MEGF9: variants seen among roughly 807,000 people sequenced by gnomAD.
The protein encoded by MEGF9 is multiple EGF like domains 9, also known as multiple epidermal growth factor-like domains protein 9.
A neutral mutation model predicts 46.8 loss-of-function variants in MEGF9; 6 were observed. That is an observed-to-expected ratio of 0.13 (90% confidence interval 0.07 to 0.25). The LOEUF (loss-of-function observed/expected upper bound fraction) is 0.25. MEGF9 is among the 10% of genes least tolerant of loss of function. The pLI, the probability that MEGF9 is intolerant of heterozygous loss-of-function variation, is 1.00. For missense variants in MEGF9, 683 were observed against 792.4 expected (o/e 0.86, Z 1.66); for synonymous variants, 302 against 330.7 (o/e 0.91, Z 0.94).
At chr9:120,644,163 G>A (rs918253304) in intron 2 of MEGF9, among the ~76,000 whole-genome samples, 3 of 152,002 alleles carry the variant, frequency 2.0e-5, no homozygotes, top group African/African-American at 7.3e-5. Context: ...ATATTGTCTC[G>A]CATTTACTCG....
chr9:120,709,894 C>T (rs1019108168), intron 1 of MEGF9, among the ~76,000 whole-genome samples: 10 of 151,622 alleles, frequency 6.6e-5, no homozygotes, highest in African/African-American at 2.4e-4. Flanking sequence ...ACTAAAAATA[C>T]AAAAATTAGC....
chr9:120,711,013 G>GT (rs2043950562), intron 1 of MEGF9, among the ~76,000 whole-genome samples: 2 of 152,134 alleles, frequency 1.3e-5, no homozygotes, highest in Admixed American at 1.3e-4. Context: ...CATCACAGAC[G>GT]TAAGTATAAT....
chr9:120,687,533 A>C (rs1289258310), intron 1 of MEGF9, among the ~76,000 whole-genome samples: 1 of 152,230 alleles, frequency 6.6e-6, no homozygotes, highest in Non-Finnish European at 1.5e-5. Flanking sequence ...TGGACTATTC[A>C]TACAGTAGGA....
chr9:120,617,557 T>C (rs1218297526), intron 3 of MEGF9, among the ~76,000 whole-genome samples: 3 of 152,130 alleles, frequency 2.0e-5, no homozygotes, highest in South Asian at 2.1e-4. Flanking sequence ...AGATAGGCCA[T>C]AGAGAGATGT....
chr9:120,605,639 C>T lies in MEGF9; in HGVS notation c.1360G>A (p.Val454Ile). 6.5e-7 allele frequency: 1 copy of T among 1,536,068 alleles called. No homozygotes were observed. The highest frequency in any genetic ancestry group is 8.8e-7 in the Non-Finnish European group (1 of 1,140,678). Residue 454 changes from valine to isoleucine, a missense_variant and splice_region_variant, in exon 6 of 6, where the codon GTT becomes ATT. Around this residue, in one of 2 missense-constraint regions of MEGF9, gnomAD observed 313 missense variants for 421.1 expected, o/e 0.74. Coordinates refer to ENST00000373930, the MANE Select transcript of MEGF9 (RefSeq NM_001080497.3). The surrounding 1 kb of genome is among the most constrained non-coding windows in gnomAD (Gnocchi z 4.0). ...DLEGNCIKKE[V>I]ILPTPEGSTI... ...GAACCTTCAGGTGTTGGAAGAATAACTTCTGAAAATAAAAACAGAGAATGA... is the reference window on the plus strand; with the variant it reads ...GAACCTTCAGGTGTTGGAAGAATAATTTCTGAAAATAAAAACAGAGAATGA...
intron 2 of MEGF9, among the ~76,000 whole-genome samples, chr9:120,640,123 A>G (rs977995740): frequency 6.6e-6 from 1 of 152,244 alleles, no homozygotes; most frequent in African/African-American, 2.4e-5. Context: ...AGATAAATCA[A>G]AAGAATGGTA....
At chr9:120,672,277 T>C (rs976832769) in intron 1 of MEGF9, among the ~76,000 whole-genome samples, 1 of 151,910 alleles carries the variant, frequency 6.6e-6, no homozygotes, top group African/African-American at 2.4e-5. Flanking sequence ...AAGAAAGAAA[T>C]GGTCTTCAGA....
chr9:120,695,068 C>G (rs949880849), intron 1 of MEGF9, among the ~76,000 whole-genome samples: 12 of 149,804 alleles, frequency 8.0e-5, no homozygotes, highest in Non-Finnish European at 1.3e-4. Context: ...GAGAGAGAGA[C>G]AAAGACAAAA....
intron 3 of MEGF9, among the ~76,000 whole-genome samples, chr9:120,618,814 C>T (rs372374478): frequency 6.6e-6 from 1 of 151,196 alleles, no homozygotes; most frequent in East Asian, 2.0e-4. Context: ...GCAGAAGAAT[C>T]GCTTGAACCC....
At chr9:120,679,427 G>A (rs1247666063) in intron 1 of MEGF9, among the ~76,000 whole-genome samples, 1 of 147,042 alleles carries the variant, frequency 6.8e-6, no homozygotes, top group African/African-American at 2.6e-5. Context: ...TGAACAATGA[G>A]AACACTTGGA....
intron 1 of MEGF9, among the ~76,000 whole-genome samples, chr9:120,712,028 A>G (rs1397169868): frequency 6.6e-6 from 1 of 152,200 alleles, no homozygotes; most frequent in African/African-American, 2.4e-5. Context: ...AGGCCGAGGC[A>G]GGAGGACTGC....
At chr9:120,638,774 C>T (rs1435640344) in intron 2 of MEGF9, among the ~76,000 whole-genome samples, 1 of 152,226 alleles carries the variant, frequency 6.6e-6, no homozygotes, top group Non-Finnish European at 1.5e-5. Flanking sequence ...TTCACCCTTA[C>T]TGGCCATTTG....
At chr9:120,616,756 A>G (rs892029087) in intron 3 of MEGF9, among the ~76,000 whole-genome samples, 1 of 152,022 alleles carries the variant, frequency 6.6e-6, no homozygotes, top group Admixed American at 6.5e-5. Context: ...AATTCTCACA[A>G]ACTAAGTTAC....
intron 2 of MEGF9, among the ~76,000 whole-genome samples, chr9:120,627,041 A>G (rs998144076): frequency 2.6e-5 from 4 of 152,242 alleles, no homozygotes; most frequent in African/African-American, 9.6e-5. Context: ...TTTAAAATTT[A>G]AAATTTGTAA....
intron 1 of MEGF9, among the ~76,000 whole-genome samples, chr9:120,683,106 C>G (rs1174353821): frequency 6.6e-6 from 1 of 152,080 alleles, no homozygotes; most frequent in Non-Finnish European, 1.5e-5. Flanking sequence ...TCTAAAGAGT[C>G]TGCATTTCAT....
At chr9:120,630,559 AT>A (rs2043546108) in intron 2 of MEGF9, among the ~76,000 whole-genome samples, 1 of 152,172 alleles carries the variant, frequency 6.6e-6, no homozygotes, top group Admixed American at 6.5e-5. Context: ...TGATAGTTCT[AT>A]TTTTAGTTTT....
intron 1 of MEGF9, among the ~76,000 whole-genome samples, chr9:120,671,783 A>C (rs1046987655): frequency 1.3e-5 from 2 of 152,242 alleles, no homozygotes; most frequent in African/African-American, 4.8e-5. Flanking sequence ...TTATTTTGAC[A>C]TCAAAACCAG....
chr9:120,709,920 G>A (rs1018981821), intron 1 of MEGF9, among the ~76,000 whole-genome samples: 7 of 150,168 alleles, frequency 4.7e-5, no homozygotes, highest in African/African-American at 9.8e-5. Context: ...ATGGTGGTGC[G>A]CACCTGTAAT....
intron 2 of MEGF9, among the ~76,000 whole-genome samples, chr9:120,629,770 T>A (rs1353272850): frequency 2.0e-5 from 3 of 151,778 alleles, no homozygotes; most frequent in African/African-American, 7.3e-5. Context: ...CCGTCTCTAC[T>A]AAAAATACAA....
Sources: allele counts gnomAD v4.1 joint callset (sites outside exome capture counted in the v4.1 genomes callset), GRCh38; gene constraint gnomAD v4.1.1; regional missense constraint gnomAD v4.1.1; non-coding constraint Gnocchi (gnomAD v3.1); transcripts MANE v1.5; gene names NCBI Gene and HGNC (gene_info 2026-07-23, HGNC 2026-07-21).